TTC39B: variants seen among roughly 807,000 people sequenced by gnomAD.
TTC39B encodes tetratricopeptide repeat domain 39B.
Under a neutral mutation model 96.6 loss-of-function variants are expected in TTC39B, and 92 were observed. That is an observed-to-expected ratio of 0.95 (90% CI 0.80 to 1.13). The LOEUF (loss-of-function observed/expected upper bound fraction) is 1.13, where lower values mean the gene tolerates loss of function less well. TTC39B is among the 50% of genes most tolerant of loss of function. TTC39B has a pLI of 0.00. For synonymous variants in TTC39B, 367 were observed against 299.4 expected, an observed-to-expected ratio of 1.23 and a Z score of -2.33; for missense variants, 955 against 809.3, an observed-to-expected ratio of 1.18 and a Z score of -2.18.
At position 15,306,354 on chromosome 9, in the gene TTC39B, G is replaced by A. The variant is rs1824752421; in HGVS notation, c.240+730C>T. Among the ~76,000 whole-genome samples the A allele has an allele frequency of 6.6e-6, 1 of 152,222 alleles. No individual in the cohort carries two copies. The highest frequency in any genetic ancestry group is 2.4e-5 in the African/African-American group (1 of 41,464). On this transcript the variant is annotated intron_variant, in intron 1 of 19. Transcript: ENST00000512701. This position sits in a 1 kb window ranked among gnomAD's most constrained non-coding sequence, Gnocchi z 5.1. The stretch of plus-strand genomic sequence containing the variant: ...CAGGCCCGGGCGCGCCACGACTGAA[G>A]GAGTGGCTAATTACTCAAACACAGT...
At chr9:15,292,803 C>A (rs1824236360) in intron 1 of TTC39B, among the ~76,000 whole-genome samples, 1 of 152,210 alleles carries the variant, frequency 6.6e-6, no homozygotes, top group African/African-American at 2.4e-5. Flanking sequence ...TATAGCTGTA[C>A]AGTGTGTTTG....
At chr9:15,174,546 T>C (rs977590885) in intron 19 of TTC39B, among the ~76,000 whole-genome samples, 10 of 152,180 alleles carry the variant, frequency 6.6e-5, no homozygotes, top group Non-Finnish European at 1.2e-4. Flanking sequence ...TCAATGGCTC[T>C]TCAAGGAAAT....
At chr9:15,171,936 T>C (rs1817682371) in exon 20 of TTC39B, 1 of 1,059,564 alleles carries the variant, frequency 9.4e-7, no homozygotes, top group Non-Finnish European at 1.4e-6. Flanking sequence ...ATTCACAAGA[T>C]CATTTTTCCA....
At chr9:15,170,877 G>T (rs1181354883) in exon 20 of TTC39B, 1 of 152,134 alleles carries the variant, frequency 6.6e-6, no homozygotes, top group African/African-American at 2.4e-5. Context: ...GTCATTTGTT[G>T]AAAATAAATA....
At position 15,209,880 on chromosome 9, in the gene TTC39B, T is replaced by A. The variant is rs115748976; in HGVS notation, c.691+208A>T. Among the ~76,000 whole-genome samples the A allele has an allele frequency of 3.2e-3, 482 of 152,270 alleles. 4 individuals carry two copies. Among genetic ancestry groups the A allele is most frequent in the African/African-American group, 0.011 (464 of 41,550 alleles). On this transcript the variant is annotated intron_variant, in intron 6 of 19. Coordinates refer to ENST00000512701, the Ensembl canonical transcript of TTC39B. The stretch of plus-strand genomic sequence containing the variant: ...CAATCCATGAGCAACAACAAAAACC[T>A]TATGTGTACCTTATTTATGTATTTG...
chr9:15,282,011 C>T (rs1402135262), intron 1 of TTC39B, among the ~76,000 whole-genome samples: 1 of 152,156 alleles, frequency 6.6e-6, no homozygotes, highest in African/African-American at 2.4e-5. Context: ...GGAAAACAAA[C>T]TTTCAATTAT....
rs370534906 is a variant in TTC39B at position 15,195,129 on chromosome 9, A to C, written c.825-2434T>G. ...AGAAAAGTTCTTGAAGAAAATTAAA[A>C]GTGCTACTTCAGTGAATGCACAAAT... On this transcript the variant is annotated intron_variant, in intron 8 of 19. Transcript: ENST00000512701. 5.4e-4 allele frequency among the ~76,000 whole-genome samples: 82 copies of C among 152,372 alleles called. 2 individuals carry two copies. Among genetic ancestry groups the C allele is most frequent in the African/African-American group, 1.9e-3 (78 of 41,590 alleles).
At chr9:15,167,256 G>C (rs1380740709) in exon 20 of TTC39B, 1 of 114,368 alleles carries the variant, frequency 8.7e-6, no homozygotes, top group Non-Finnish European at 1.7e-5. Flanking sequence ...GTATTGCCCA[G>C]GCTGGCCTCA....
intron 2 of TTC39B, among the ~76,000 whole-genome samples, chr9:15,233,754 T>G (rs947669652): frequency 6.6e-6 from 1 of 152,190 alleles, no homozygotes; most frequent in Admixed American, 6.5e-5. Flanking sequence ...AGAGCCGAGA[T>G]TGCAGCCTCT....
intron 8 of TTC39B, among the ~76,000 whole-genome samples, chr9:15,196,067 T>C (rs1320397117): frequency 6.6e-6 from 1 of 152,238 alleles, no homozygotes; most frequent in Non-Finnish European, 1.5e-5. Flanking sequence ...ATTCACAGCA[T>C]GGTTTACTAA....
chr9:15,259,515 C>A (rs992259418), intron 2 of TTC39B, among the ~76,000 whole-genome samples: 1 of 152,166 alleles, frequency 6.6e-6, no homozygotes, highest in African/African-American at 2.4e-5. Flanking sequence ...TTGTTTATAG[C>A]AGCATTATTC....
At chr9:15,171,381 A>C (rs1817652301) in exon 20 of TTC39B, 2 of 152,148 alleles carry the variant, frequency 1.3e-5, no homozygotes, top group African/African-American at 4.8e-5. Flanking sequence ...AGTACATTCA[A>C]AATCAGTCTC....
intron 3 of TTC39B, among the ~76,000 whole-genome samples, chr9:15,224,064 C>A (rs1339853304): frequency 6.6e-6 from 1 of 152,096 alleles, no homozygotes; most frequent in African/African-American, 2.4e-5. Flanking sequence ...AAAGATAACT[C>A]CCTCAATCTT....
intron 2 of TTC39B, among the ~76,000 whole-genome samples, chr9:15,261,662 C>T (rs1255249802): frequency 2.6e-5 from 4 of 152,150 alleles, no homozygotes; most frequent in Non-Finnish European, 4.4e-5. Context: ...ATGTCCCCAC[C>T]TCTGACCCTC....
chr9:15,210,198 T>TA, intron 5 of TTC39B, 34 bp from the exon 6 acceptor site: 6 of 1,409,356 alleles, frequency 4.3e-6, no homozygotes, highest in Admixed American at 4.5e-5. Flanking sequence ...AGATAGAAAA[T>TA]AGAAAAAAAA....
chr9:15,235,020 G>GATAAATAA (rs1444990345), intron 2 of TTC39B, among the ~76,000 whole-genome samples: 1 of 55,424 alleles, frequency 1.8e-5, no homozygotes, highest in African/African-American at 8.0e-5. Context: ...ACCCAAGAAT[G>GATAAATAA]ATCAATAAAT....
At chr9:15,167,924 G>A (rs1226234100) in exon 20 of TTC39B, 2 of 151,936 alleles carry the variant, frequency 1.3e-5, no homozygotes, top group East Asian at 1.9e-4. Flanking sequence ...GCGGAGGGAG[G>A]GCAGAATAAT....
intron 2 of TTC39B, among the ~76,000 whole-genome samples, chr9:15,238,673 G>A (rs1321335449): frequency 6.6e-6 from 1 of 152,126 alleles, no homozygotes. Context: ...ACACGGACTG[G>A]AAGAATCAGT....
chr9:15,184,813 A>G (rs1818432417), intron 16 of TTC39B, among the ~76,000 whole-genome samples: 1 of 152,238 alleles, frequency 6.6e-6, no homozygotes, highest in Non-Finnish European at 1.5e-5. Flanking sequence ...AGCTTCTATT[A>G]ATTACATGTT....
Sources: gnomAD v4.1 joint callset for allele counts (sites outside exome capture counted in the v4.1 genomes callset) on GRCh38, gnomAD v4.1.1 for gene constraint, Gnocchi (gnomAD v3.1) non-coding constraint, MANE v1.5 for transcripts, NCBI Gene and HGNC (gene_info 2026-07-23, HGNC 2026-07-21) for gene names.